The following MAGI3 variants were observed in gnomAD, a reference collection of about 807,000 sequenced individuals.
MAGI3 encodes the protein membrane associated guanylate kinase, WW and PDZ domain containing 3.
In MAGI3, 43 loss-of-function variants were observed where a neutral mutation model predicts 121.8. The ratio of observed to expected loss-of-function variants is 0.35; its 90% CI spans 0.28 to 0.46. The LOEUF (loss-of-function observed/expected upper bound fraction) is 0.46, where lower values mean the gene tolerates loss of function less well. Among genes scored for constraint, MAGI3 ranks in the 20% least tolerant of loss-of-function variants. The pLI is 1.00. For missense variants in MAGI3, 1,547 were observed against 1,797.3 expected, an observed-to-expected ratio of 0.86 and a Z score of 2.52; for synonymous variants, 553 against 639.3, an observed-to-expected ratio of 0.86 and a Z score of 2.04.
In MAGI3 at chr1:113,651,078, A is replaced by G. The variant is rs1653134303; in HGVS notation, c.2312A>G (p.Asp771Gly). The G allele has an allele frequency of 6.2e-7, 1 of 1,614,076 alleles. No homozygotes were observed. The highest frequency in any genetic ancestry group is 8.5e-7 in the Non-Finnish European group (1 of 1,180,038). Residue 771 changes from aspartate to glycine, a missense_variant, in exon 14 of 21, where the codon GAT becomes GGT. Coordinates refer to ENST00000307546, the MANE Select transcript of MAGI3 (RefSeq NM_001142782.2). ...AEKDGRLRAA[D>G]ELMCIDGIPV... The stretch of plus-strand genomic sequence containing the variant: ...AAAGATGGTCGGCTCCGCGCAGCTG[A>G]TGAACTAATGTGCATTGATGGAATT...
chr1:113,549,179 A>G (rs889039648), intron 1 of MAGI3, among the ~76,000 whole-genome samples: 16 of 152,232 alleles, frequency 1.1e-4, no homozygotes, highest in African/African-American at 3.4e-4. Flanking sequence ...GGATGGATAC[A>G]TGATATGAAT....
intron 1 of MAGI3, among the ~76,000 whole-genome samples, chr1:113,475,656 G>C (rs973703138): frequency 1.3e-5 from 2 of 151,828 alleles, no homozygotes; most frequent in Admixed American, 6.6e-5. Flanking sequence ...GAGGATTTTC[G>C]CATCAATACA....
At chr1:113,448,810 G>C (rs1654309637) in intron 1 of MAGI3, among the ~76,000 whole-genome samples, 1 of 152,030 alleles carries the variant, frequency 6.6e-6, no homozygotes, top group East Asian at 1.9e-4. Context: ...TGTTACATTA[G>C]TTGCTAAAAA....
chr1:113,559,941 C>T (rs1268260642), intron 2 of MAGI3, among the ~76,000 whole-genome samples: 1 of 152,134 alleles, frequency 6.6e-6, no homozygotes, highest in African/African-American at 2.4e-5. Context: ...GACTTTAACA[C>T]CCACTGACAA....
At chr1:113,625,881 T>G (rs1367691085) in intron 9 of MAGI3, among the ~76,000 whole-genome samples, 1 of 152,194 alleles carries the variant, frequency 6.6e-6, no homozygotes, top group African/African-American at 2.4e-5. Flanking sequence ...TATAACCAGT[T>G]TTTTTAGGGT....
chr1:113,622,810 G>A lies in MAGI3; in HGVS notation c.1176G>A (p.Met392Ile), dbSNP rs765792521. Residue 392 changes from methionine to isoleucine, a missense_variant, in exon 9 of 21, where the codon ATG (methionine) becomes ATA (isoleucine). Physicochemically the swap from Met to Ile is conservative, Grantham distance 10 (BLOSUM62 1). Transcript: ENST00000307546. Reference protein sequence around the residue: ...QVEIGSSKPDMEKSHFTRDPS... With the variant: ...QVEIGSSKPDIEKSHFTRDPS... ...CCACTTCTCATTTTGGCACAGATAT[G>A]GAAAAATCACACTTCACAAGAGATC... 1 of 1,570,520 alleles carries A rather than the reference G, an allele frequency of 6.4e-7. No homozygotes were observed. Among genetic ancestry groups the A allele is most frequent in the Admixed American group, 2.0e-5 (1 of 48,866 alleles).
At chr1:113,481,419 A>T (rs1310365123) in intron 1 of MAGI3, among the ~76,000 whole-genome samples, 1 of 152,216 alleles carries the variant, frequency 6.6e-6, no homozygotes, top group South Asian at 2.1e-4. Flanking sequence ...GATGAATTTC[A>T]CCAGAGTTAC....
At chr1:113,426,772 A>G (rs988134422) in intron 1 of MAGI3, among the ~76,000 whole-genome samples, 3 of 152,058 alleles carry the variant, frequency 2.0e-5, no homozygotes, top group Non-Finnish European at 4.4e-5. Context: ...AGCTTACTTA[A>G]TGTTGAATTT....
At chr1:113,657,965 A>C (rs1379043404) in intron 15 of MAGI3, among the ~76,000 whole-genome samples, 1 of 152,246 alleles carries the variant, frequency 6.6e-6, no homozygotes, top group Non-Finnish European at 1.5e-5. Context: ...ATGAAGGTCT[A>C]TTTAAATGTC....
intron 1 of MAGI3, among the ~76,000 whole-genome samples, chr1:113,534,674 A>C (rs185156854): frequency 6.6e-6 from 1 of 152,224 alleles, no homozygotes; most frequent in Non-Finnish European, 1.5e-5. Context: ...CACCAAAGAC[A>C]GGTATTACTT....
chr1:113,416,168 GTAAT>G (rs1190396813), intron 1 of MAGI3, among the ~76,000 whole-genome samples: 2 of 91,612 alleles, frequency 2.2e-5, no homozygotes, highest in African/African-American at 6.4e-5. Context: ...ATATTATTAT[GTAAT>G]TAATGACACA....
intron 9 of MAGI3, among the ~76,000 whole-genome samples, chr1:113,634,286 G>A (rs1197561466): frequency 1.3e-5 from 2 of 151,350 alleles, no homozygotes; most frequent in African/African-American, 4.8e-5. Flanking sequence ...ATTGCTTTTG[G>A]TGTTTTAGAC....
chr1:113,664,155 C>A (rs777240978), intron 16 of MAGI3, among the ~76,000 whole-genome samples: 4 of 152,074 alleles, frequency 2.6e-5, no homozygotes, highest in Non-Finnish European at 5.9e-5. Flanking sequence ...TTTTTACTTT[C>A]TTGATACTAT....
chr1:113,503,837 A>T (rs1657175316), intron 1 of MAGI3, among the ~76,000 whole-genome samples: 1 of 152,068 alleles, frequency 6.6e-6, no homozygotes, highest in African/African-American at 2.4e-5. Flanking sequence ...GGAAAATGGA[A>T]TGGTAAGGTC....
chr1:113,685,058 A>AAAAC lies in MAGI3; in HGVS notation c.*1047_*1050dup. ...GCAGGTGCACAAGCTTGGGTGTTTAAAAACAACCTGTGTAGGGTATGCCCA... is the reference window on the plus strand; with the variant it reads ...GCAGGTGCACAAGCTTGGGTGTTTAAAAACAAACAACCTGTGTAGGGTATGCCCA... On this transcript the variant is annotated 3_prime_UTR_variant, in exon 21 of 21. Transcript: ENST00000307546. 1 of 152,490 alleles carries AAAAC rather than the reference A, an allele frequency of 6.6e-6. No individual in the cohort carries two copies. Among genetic ancestry groups the AAAAC allele is most frequent in the East Asian group, 1.9e-4 (1 of 5,334 alleles). 9.4% of individuals were successfully genotyped at this position (152,490 alleles called of 1,614,324 possible).
rs1293030117 is a variant in MAGI3, at chr1:113,651,025, G to C, written c.2259G>C (p.Gly753=). The change falls in exon 14 of 21, where the codon GGG becomes GGC. Residue 753 remains glycine (G), a synonymous_variant. Coordinates refer to ENST00000307546, the MANE Select transcript of MAGI3 (RefSeq NM_001142782.2). ...TGTTATCTTATCAGATATATATTGG[G>C]GCTATTATTCCCCTGGGAGCAGCTG... is the stretch of plus-strand genomic sequence containing the variant. ...GDGPDQSIYI[G]AIIPLGAAEK... The C allele has an allele frequency of 6.2e-7, 1 of 1,613,756 alleles. No individual in the cohort carries two copies. Among genetic ancestry groups the C allele is most frequent in the Admixed American group, 1.7e-5 (1 of 59,950 alleles).
At chr1:113,619,474 T>C (rs1243562293) in intron 7 of MAGI3, among the ~76,000 whole-genome samples, 5 of 152,208 alleles carry the variant, frequency 3.3e-5, no homozygotes, top group Non-Finnish European at 5.9e-5. Context: ...TTTTGAAAAC[T>C]GTTATTGGCT....
rs145081439 is a variant in MAGI3 at position 113,488,601 on chromosome 1, A to C, written c.317-60914A>C. ...CCCTCCCTATGTTGCAGTTTCCCCT[A>C]ACCCATGGCAACTTACTCAGCTGGC... On this transcript the variant is annotated intron_variant, in intron 1 of 20. Transcript: ENST00000307546. Among the ~76,000 whole-genome samples, 432 of 152,314 alleles carry C rather than the reference A, an allele frequency of 2.8e-3. 8 individuals are homozygous for C. Among genetic ancestry groups the C allele is most frequent in the Middle Eastern group, 0.017 (5 of 294 alleles).
rs778105702 is a variant in MAGI3 at position 113,653,925 on chromosome 1, C to T, written c.2536C>T (p.Pro846Ser). The change falls in exon 15 of 21, where the codon CCC becomes TCC. Residue 846 changes from proline (P) to serine (S), a missense_variant. By Grantham distance (74) the Pro-to-Ser change is moderately conservative (BLOSUM62 -1). Coordinates refer to ENST00000307546, the MANE Select transcript of MAGI3 (RefSeq NM_001142782.2). ...NRAEVPARPA[P>S]QEPYDVVLQR... ...GGCAGAGGTCCCAGCCAGGCCTGCA[C>T]CCCAGGAGCCCTATGATGTTGTCTT... 6.2e-7 allele frequency: 1 copy of T among 1,614,088 alleles called. No homozygotes were observed. The highest frequency in any genetic ancestry group is 8.5e-7 in the Non-Finnish European group (1 of 1,179,992).
Sources: allele counts gnomAD v4.1 joint callset (sites outside exome capture counted in the v4.1 genomes callset), GRCh38; gene constraint gnomAD v4.1.1; transcripts MANE v1.5; gene names NCBI Gene and HGNC (gene_info 2026-07-23, HGNC 2026-07-21).